Variants in ANKRD12 observed in about 807,000 individuals in gnomAD.
The protein encoded by ANKRD12 is ankyrin repeat domain 12.
A neutral mutation model predicts 183.4 loss-of-function variants in ANKRD12; 85 were observed. The ratio of observed to expected loss-of-function variants is 0.46; its 90% CI spans 0.39 to 0.56. The LOEUF (loss-of-function observed/expected upper bound fraction) is 0.56. ANKRD12 is among the 20% of genes least tolerant of loss of function. ANKRD12 has a pLI of 0.00. For synonymous variants in ANKRD12, 914 were observed against 800.2 expected (o/e 1.14, Z -2.40); for missense variants, 2,405 against 2,357.1 (o/e 1.02, Z -0.42).
intron 2 of ANKRD12, among the ~76,000 whole-genome samples, chr18:9,187,049 C>T (rs1177573466): frequency 6.6e-6 from 1 of 152,182 alleles, no homozygotes; most frequent in Non-Finnish European, 1.5e-5. Context: ...GCGTGAGCCA[C>T]TGCGCCTGGC....
intron 1 of ANKRD12, among the ~76,000 whole-genome samples, chr18:9,178,699 AAATTTGACT>A (rs1213639577): frequency 1.5e-4 from 23 of 152,200 alleles, no homozygotes; most frequent in African/African-American, 5.5e-4. Context: ...TAGATCCTGG[AAATTTGACT>A]AGGATTGCCT....
Position 9,258,078 on chromosome 18 carries a change from A to G in ANKRD12, c.4811A>G (p.Tyr1604Cys), listed in dbSNP as rs1482498074. ...GCCTCTACCCAGCTAAATACACATTATGCATTTAGCAAACTAACTTACAAG... is the reference window on the plus strand; with the variant it reads ...GCCTCTACCCAGCTAAATACACATTGTGCATTTAGCAAACTAACTTACAAG... ...SDASTQLNTHYAFSKLTYKSS... is the reference protein window; with the variant it reads ...SDASTQLNTHCAFSKLTYKSS... Residue 1604 changes from tyrosine to cysteine, a missense_variant, in exon 9 of 13, where the codon TAT (tyrosine) becomes TGT (cysteine). By Grantham distance (194) the Tyr-to-Cys change is radical. This residue lies in a region of ANKRD12 where 1,983 missense variants were observed against 1,725.9 expected (regional missense o/e 1.15). Transcript: ENST00000262126. 1 of 1,613,300 alleles carries G rather than the reference A, an allele frequency of 6.2e-7. No homozygotes were observed. The highest frequency in any genetic ancestry group is 2.2e-5 in the East Asian group (1 of 44,870).
In ANKRD12 at chr18:9,282,934, T is replaced by C. The variant is rs1228586697; in HGVS notation, c.*1808T>C. ...TTCCTTAGAAATTTAGGTGAGAGAT[T>C]TTGGCCTTTTTTATTGGATAAATTG... is the stretch of plus-strand genomic sequence containing the variant. On this transcript the variant is annotated 3_prime_UTR_variant, in exon 13 of 13. Coordinates refer to ENST00000262126, the MANE Select transcript of ANKRD12 (RefSeq NM_015208.5). The C allele has an allele frequency of 6.6e-6, 1 of 152,588 alleles. No homozygotes were observed. Among genetic ancestry groups the C allele is most frequent in the Non-Finnish European group, 1.5e-5 (1 of 68,006 alleles). 9.5% of individuals were successfully genotyped at this position (152,588 alleles called of 1,614,324 possible). A position where few individuals can be genotyped will look rare whatever the true frequency, so the allele number is the denominator to read the frequency against.
chr18:9,215,682 AT>A (rs1046074062), intron 6 of ANKRD12, among the ~76,000 whole-genome samples: 17 of 152,160 alleles, frequency 1.1e-4, no homozygotes, highest in African/African-American at 4.1e-4. Flanking sequence ...AGATGCTGTC[AT>A]TGTTAAAGAA....
intron 10 of ANKRD12, among the ~76,000 whole-genome samples, chr18:9,267,734 A>G (rs1361669021): frequency 1.3e-5 from 2 of 152,224 alleles, no homozygotes; most frequent in Non-Finnish European, 2.9e-5. Context: ...GAGCAAACAC[A>G]TTCAAAAGGT....
intron 1 of ANKRD12, among the ~76,000 whole-genome samples, chr18:9,145,445 G>C (rs758740424): frequency 7.2e-5 from 11 of 152,140 alleles, no homozygotes; most frequent in Non-Finnish European, 1.5e-4. Flanking sequence ...TTCACACTCA[G>C]GAAACAAAAT....
intron 5 of ANKRD12, among the ~76,000 whole-genome samples, chr18:9,209,311 A>G (rs1377403742): frequency 6.6e-6 from 1 of 152,214 alleles, no homozygotes; most frequent in Non-Finnish European, 1.5e-5. Flanking sequence ...ATTACTATTC[A>G]CATCCTGGCA....
intron 1 of ANKRD12, among the ~76,000 whole-genome samples, chr18:9,165,440 C>T (rs1357248336): frequency 6.6e-6 from 1 of 152,100 alleles, no homozygotes; most frequent in Non-Finnish European, 1.5e-5. Flanking sequence ...GCAACCATCA[C>T]CACTGTTCTT....
intron 10 of ANKRD12, among the ~76,000 whole-genome samples, chr18:9,266,085 G>A (rs567087378): frequency 3.3e-5 from 5 of 152,126 alleles, no homozygotes; most frequent in Admixed American, 1.3e-4. Context: ...AAAAAGAAAC[G>A]AACAAAGCCT....
chr18:9,204,991 T>A (rs2035396778), intron 4 of ANKRD12, among the ~76,000 whole-genome samples: 1 of 152,256 alleles, frequency 6.6e-6, no homozygotes, highest in Admixed American at 6.5e-5. Context: ...ACACATTTAA[T>A]ACAATTTTTT....
chr18:9,178,343 C>CTCTCTCTCTCTCTCTCTCTCTCTT (rs35964343), intron 1 of ANKRD12, among the ~76,000 whole-genome samples: 2 of 150,998 alleles, frequency 1.3e-5, no homozygotes, highest in African/African-American at 4.9e-5. Context: ...CTCTCTCTCT[C>CTCTCTCTCTCTCTCTCTCTCTCTT]GTTTTTTGCA....
At chr18:9,269,215 A>G (rs903445597) in intron 10 of ANKRD12, among the ~76,000 whole-genome samples, 11 of 152,218 alleles carry the variant, frequency 7.2e-5, no homozygotes, top group East Asian at 5.8e-4. Context: ...TTATAGATCA[A>G]TGCCATCCCC....
rs567397874 is a variant in ANKRD12, at chr18:9,238,330, T to C, written c.944-15881T>C. Among the ~76,000 whole-genome samples the C allele has an allele frequency of 3.3e-5, 5 of 152,314 alleles. No homozygotes were observed. In the South Asian group the frequency reaches 1.0e-3, roughly 32 times the overall value. ...TAAATTTCACCCACACTTAGAGTTT[T>C]TACTACCATTTATGTAATGATTTTA... is the stretch of plus-strand genomic sequence containing the variant. On this transcript the variant is annotated intron_variant, in intron 8 of 12. Transcript: ENST00000262126.
intron 1 of ANKRD12, among the ~76,000 whole-genome samples, chr18:9,151,545 C>A (rs2078686286): frequency 6.6e-6 from 1 of 152,032 alleles, no homozygotes; most frequent in African/African-American, 2.4e-5. Flanking sequence ...AGAATAGAAT[C>A]TTGGACCTCA....
chr18:9,237,911 G>C (rs746418074), intron 8 of ANKRD12, among the ~76,000 whole-genome samples: 1 of 152,042 alleles, frequency 6.6e-6, no homozygotes, highest in Non-Finnish European at 1.5e-5. Flanking sequence ...CTCCTGCCCT[G>C]CATCCCCGTT....
chr18:9,269,522 G>T (rs1234436003), intron 10 of ANKRD12, among the ~76,000 whole-genome samples: 1 of 152,194 alleles, frequency 6.6e-6, no homozygotes, highest in African/African-American at 2.4e-5. Flanking sequence ...AATGGGGAAA[G>T]GATTCCCTAT....
chr18:9,246,432 C>T (rs1296065733), intron 8 of ANKRD12, among the ~76,000 whole-genome samples: 1 of 152,118 alleles, frequency 6.6e-6, no homozygotes, highest in African/African-American at 2.4e-5. Context: ...CTCACGCCTC[C>T]CTGCACCTCT....
chr18:9,199,847 A>G (rs2035064583), intron 3 of ANKRD12, among the ~76,000 whole-genome samples: 1 of 152,036 alleles, frequency 6.6e-6, no homozygotes, highest in South Asian at 2.1e-4. Flanking sequence ...TTGTTGTTTT[A>G]TGTGTTTAGA....
rs938264828 is a variant in ANKRD12 at position 9,284,067 on chromosome 18, A to G, written c.*2941A>G. The G allele has an allele frequency of 2.4e-4, 36 of 152,342 alleles. No individual in the cohort carries two copies. The highest frequency in any genetic ancestry group is 7.9e-4 in the African/African-American group (33 of 41,586). The allele number at this position is 152,342 out of a possible 1,614,324, so 9.4% of individuals were successfully genotyped here. On this transcript the variant is annotated 3_prime_UTR_variant, in exon 13 of 13. Coordinates refer to ENST00000262126, the MANE Select transcript of ANKRD12 (RefSeq NM_015208.5). ...TATACTATATTAAGTGTGCAATAGC[A>G]TTATGTCTAAAAATATGTACATAAG...
Sources: gnomAD v4.1 joint callset for allele counts (sites outside exome capture counted in the v4.1 genomes callset) on GRCh38, gnomAD v4.1.1 for gene constraint, gnomAD v4.1.1 regional missense constraint, MANE v1.5 for transcripts, NCBI Gene and HGNC (gene_info 2026-07-23, HGNC 2026-07-21) for gene names.